Variants in TMTC2 observed in about 807,000 individuals in gnomAD.
TMTC2 encodes transmembrane O-mannosyltransferase targeting cadherins 2.
TMTC2 carries 43 observed loss-of-function variants against 82.4 expected under a neutral mutation model. That is an observed-to-expected ratio of 0.52 (90% CI 0.41 to 0.67). The LOEUF is 0.67. TMTC2 is among the 30% of genes least tolerant of loss of function. The pLI is 0.00. For synonymous variants in TMTC2, 408 were observed against 381.9 expected (o/e 1.07, Z -0.80); for missense variants, 919 against 1,012.4 (o/e 0.91, Z 1.25).
rs370408092 is a variant in TMTC2, at chr12:82,880,861, CGTGTAAGTTCA to C, written c.655-14954_655-14944del. Among the ~76,000 whole-genome samples the C allele has an allele frequency of 8.7e-3, 1,324 of 152,142 alleles. 14 individuals are homozygous for C. The highest frequency in any genetic ancestry group is 0.03 in the African/African-American group (1,226 of 41,486). On this transcript the variant is annotated intron_variant, in intron 2 of 11. Transcript: ENST00000321196. The stretch of plus-strand genomic sequence containing the variant: ...CAGGGTGAATTGCAAAATGTTTGCA[CGTGTAAGTTCA>C]GTTTATTTAATTTTAAATAATTAGG...
intron 11 of TMTC2, among the ~76,000 whole-genome samples, chr12:83,084,589 T>A (rs547263364): frequency 3.0e-4 from 45 of 152,334 alleles, no homozygotes; most frequent in African/African-American, 1.0e-3. Context: ...ATACGAATAA[T>A]GAGCCAGAAA....
chr12:83,027,658 A>G (rs1232163244), intron 8 of TMTC2, among the ~76,000 whole-genome samples: 3 of 152,198 alleles, frequency 2.0e-5, no homozygotes, highest in Non-Finnish European at 1.5e-5. Context: ...GGCTAAATAA[A>G]TAGTGGTCAA....
At chr12:82,854,747 T>C (rs17010057) in intron 1 of TMTC2, among the ~76,000 whole-genome samples, 4,536 of 152,300 alleles carry the variant, frequency 0.03, 142 homozygotes, top group African/African-American at 0.076. Flanking sequence ...TGCCTTTTTA[T>C]TGAACATTTA....
chr12:82,855,259 T>TCTG (rs1417244910), intron 1 of TMTC2, among the ~76,000 whole-genome samples: 1 of 152,228 alleles, frequency 6.6e-6, no homozygotes, highest in Non-Finnish European at 1.5e-5. Flanking sequence ...GGTTTCTTAA[T>TCTG]CTGCTGAGTC....
intron 1 of TMTC2, among the ~76,000 whole-genome samples, chr12:82,719,076 TATATA>T (rs1874049403): frequency 1.4e-5 from 1 of 72,630 alleles, no homozygotes; most frequent in Admixed American, 1.7e-4. Flanking sequence ...TATATATATA[TATATA>T]TATATTTTTT....
rs978433987 is a variant in TMTC2, at chr12:82,857,373, C to T, written c.447C>T (p.Leu149=). 1 of 1,614,172 alleles carries T rather than the reference C, an allele frequency of 6.2e-7. No individual in the cohort carries two copies. Among genetic ancestry groups the T allele is most frequent in the Non-Finnish European group, 8.5e-7 (1 of 1,180,034 alleles). The part of the protein sequence containing the change: ...RADVGASLFF[L]LSLLCYIKHC... ...ATGTCGGGGCCAGTCTCTTCTTTCT[C>T]CTCTCCTTGCTCTGCTACATTAAAC... is the stretch of plus-strand genomic sequence containing the variant. Residue 149 remains leucine (L), a synonymous_variant, in exon 2 of 12, where the codon CTC becomes CTT. Coordinates refer to ENST00000321196, the MANE Select transcript of TMTC2 (RefSeq NM_152588.3).
At chr12:83,055,728 GTGTGTA>G (rs1882516438) in intron 10 of TMTC2, among the ~76,000 whole-genome samples, 1 of 151,682 alleles carries the variant, frequency 6.6e-6, no homozygotes, top group African/African-American at 2.4e-5. Context: ...GTGTGTGTGT[GTGTGTA>G]TGTGTGTGTG....
At chr12:82,974,130 A>G (rs1652634562) in intron 7 of TMTC2, among the ~76,000 whole-genome samples, 1 of 152,168 alleles carries the variant, frequency 6.6e-6, no homozygotes, top group African/African-American at 2.4e-5. Flanking sequence ...GCACCATGGG[A>G]GGCTGAGGTG....
chr12:82,891,489 G>T (rs1224923944), intron 2 of TMTC2, among the ~76,000 whole-genome samples: 2 of 151,996 alleles, frequency 1.3e-5, no homozygotes, highest in East Asian at 1.9e-4. Flanking sequence ...TGTATTTTTA[G>T]TAGAGACGGG....
chr12:82,955,417 T>C (rs10506885), intron 4 of TMTC2, among the ~76,000 whole-genome samples: 11,517 of 152,226 alleles, frequency 0.076, 523 homozygotes, highest in Middle Eastern at 0.11. Flanking sequence ...ATTGTGGGTT[T>C]GACTGTTCTT....
intron 1 of TMTC2, among the ~76,000 whole-genome samples, chr12:82,721,417 TG>T (rs1272537604): frequency 6.6e-6 from 1 of 152,230 alleles, no homozygotes; most frequent in Non-Finnish European, 1.5e-5. Flanking sequence ...TTTTTAATTT[TG>T]TTTTTTTCTT....
intron 4 of TMTC2, among the ~76,000 whole-genome samples, chr12:82,938,989 G>A (rs1876559963): frequency 6.6e-6 from 1 of 152,086 alleles, no homozygotes; most frequent in African/African-American, 2.4e-5. Flanking sequence ...TTTTTTACGT[G>A]TGTGCAGATA....
chr12:82,687,444 C>T lies in TMTC2; in HGVS notation c.-143C>T, dbSNP rs1872367901. 1 of 748,796 alleles carries T rather than the reference C, an allele frequency of 1.3e-6. No individual in the cohort carries two copies. The highest frequency in any genetic ancestry group is 1.7e-5 in the African/African-American group (1 of 57,550). The allele number at this position is 748,796 out of a possible 1,614,324, so 46.4% of individuals were successfully genotyped here. On this transcript the variant is annotated 5_prime_UTR_variant, in exon 1 of 12. Transcript: ENST00000321196. ...GGAGAGGAGTCGTGGATTGGAAGGA[C>T]CCGAGGGAGGGAGGGTGGGGAAGCG...
At chr12:82,918,048 A>C (rs1592626607) in intron 3 of TMTC2, among the ~76,000 whole-genome samples, 1 of 151,594 alleles carries the variant, frequency 6.6e-6, no homozygotes, top group Admixed American at 6.6e-5. Flanking sequence ...CGATTCCCTC[A>C]CCCCAGCCTA....
chr12:82,986,122 G>A lies in TMTC2; in HGVS notation c.2070+76G>A, dbSNP rs111330300. 1.6e-3 allele frequency: 2,626 copies of A among 1,594,302 alleles called. 36 individuals carry two copies. In the African/African-American group the frequency reaches 0.031, roughly 19 times the overall value. On this transcript the variant is annotated intron_variant, in intron 8 of 11. Transcript: ENST00000321196. The stretch of plus-strand genomic sequence containing the variant: ...CCGGGATAGATGGGTTTGAGGTACT[G>A]TTTTACAGCCAGTTATCTAAGCTAT...
chr12:82,903,185 G>C (rs200991148), intron 3 of TMTC2, among the ~76,000 whole-genome samples: 1 of 152,084 alleles, frequency 6.6e-6, no homozygotes, highest in Non-Finnish European at 1.5e-5. Context: ...TTATCAGTAA[G>C]GTGCTTTATG....
At chr12:83,119,707 G>C (rs999916620) in intron 11 of TMTC2, among the ~76,000 whole-genome samples, 3 of 152,118 alleles carry the variant, frequency 2.0e-5, no homozygotes, top group Non-Finnish European at 4.4e-5. Flanking sequence ...TTGACTTTCT[G>C]TCTTGATGAC....
intron 2 of TMTC2, among the ~76,000 whole-genome samples, chr12:82,858,525 C>T (rs1010799767): frequency 3.3e-5 from 5 of 152,188 alleles, no homozygotes; most frequent in Non-Finnish European, 2.9e-5. Context: ...AGGAAACTGT[C>T]AAGTTTTCCT....
At chr12:82,916,090 A>G (rs571706830) in intron 3 of TMTC2, among the ~76,000 whole-genome samples, 1 of 152,324 alleles carries the variant, frequency 6.6e-6, no homozygotes, top group African/African-American at 2.4e-5. Flanking sequence ...GGATGACTGC[A>G]TGGGCTATGC....
Sources: gnomAD v4.1 joint callset for allele counts (sites outside exome capture counted in the v4.1 genomes callset) on GRCh38, gnomAD v4.1.1 for gene constraint, MANE v1.5 for transcripts, NCBI Gene and HGNC (gene_info 2026-07-23, HGNC 2026-07-21) for gene names.